Variants in CDKAL1 observed in about 807,000 individuals in gnomAD.
CDKAL1 encodes the protein threonylcarbamoyladenosine tRNA methylthiotransferase.
CDKAL1 carries 32 observed loss-of-function variants against 68.2 expected under a neutral mutation model. The observed-to-expected ratio is 0.47, with a 90% confidence interval of 0.35 to 0.63. The LOEUF is 0.63. Among genes scored for constraint, CDKAL1 ranks in the 30% least tolerant of loss-of-function variants. The probability of loss-of-function intolerance (pLI) is 0.00; values close to 1 mark genes in which losing one functional copy is unlikely to be tolerated. For missense variants in CDKAL1, 606 were observed against 696.7 expected, an observed-to-expected ratio of 0.87 and a Z score of 1.47; for synonymous variants, 234 against 244.3, an observed-to-expected ratio of 0.96 and a Z score of 0.39.
At chr6:20,746,427 A>G (rs990997137) in intron 6 of CDKAL1, among the ~76,000 whole-genome samples, 1 of 152,246 alleles carries the variant, frequency 6.6e-6, no homozygotes, top group African/African-American at 2.4e-5. Context: ...TGTGTTACAC[A>G]GCAAAGTTGC....
intron 9 of CDKAL1, among the ~76,000 whole-genome samples, chr6:20,873,760 T>A (rs1760344216): frequency 6.6e-6 from 1 of 152,230 alleles, no homozygotes; most frequent in Non-Finnish European, 1.5e-5. Context: ...TGTTTCATGT[T>A]ACAATTTTTG....
chr6:21,153,581 A>G (rs1776514781), intron 13 of CDKAL1, among the ~76,000 whole-genome samples: 2 of 152,328 alleles, frequency 1.3e-5, no homozygotes, highest in African/African-American at 4.8e-5. Context: ...TTAGGAAACT[A>G]TCTTGATAAA....
Position 21,230,862 on chromosome 6 carries a change from G to A in CDKAL1, c.1563G>A (p.Gly521=), listed in dbSNP as rs766545218. 2 of 1,604,096 alleles carry A rather than the reference G, an allele frequency of 1.2e-6. No homozygotes were observed. The highest frequency in any genetic ancestry group is 1.7e-6 in the Non-Finnish European group (2 of 1,173,184). Residue 521 remains glycine, a synonymous_variant, in exon 16 of 16, where the codon GGG becomes GGA. Coordinates refer to ENST00000274695, the MANE Select transcript of CDKAL1 (RefSeq NM_017774.3). Reference sequence around the variant, plus strand: ...TCTCTTTATAGGACTTCAGAAATGGGCTTGGGAACCAGCTGAGTTCAGGAT... The same window carrying A: ...TCTCTTTATAGGACTTCAGAAATGGACTTGGGAACCAGCTGAGTTCAGGAT... ...VSGLTKDFRN[G]LGNQLSSGSH...
intron 4 of CDKAL1, among the ~76,000 whole-genome samples, chr6:20,574,648 G>T (rs1764841441): frequency 6.6e-6 from 1 of 152,108 alleles, no homozygotes; most frequent in Non-Finnish European, 1.5e-5. Context: ...TTTGCTTGAT[G>T]TCTGGGTAGT....
At chr6:20,803,400 A>C (rs1776444171) in intron 8 of CDKAL1, among the ~76,000 whole-genome samples, 4 of 152,174 alleles carry the variant, frequency 2.6e-5, no homozygotes, top group Admixed American at 2.6e-4. Flanking sequence ...TCATCTTTCA[A>C]AACTTTGTCA....
At chr6:20,549,365 T>G (rs1303624159) in intron 4 of CDKAL1, among the ~76,000 whole-genome samples, 1 of 152,182 alleles carries the variant, frequency 6.6e-6, no homozygotes, top group Non-Finnish European at 1.5e-5. Flanking sequence ...GGGGTCATGA[T>G]GTCAGTGTGT....
intron 10 of CDKAL1, among the ~76,000 whole-genome samples, chr6:20,968,455 A>G (rs1765437367): frequency 6.6e-6 from 1 of 152,070 alleles, no homozygotes. Flanking sequence ...CACCGCACCC[A>G]GCCAATTAGT....
chr6:20,641,545 C>A (rs1253679930), intron 4 of CDKAL1, among the ~76,000 whole-genome samples: 3 of 152,268 alleles, frequency 2.0e-5, no homozygotes, highest in African/African-American at 7.2e-5. Context: ...ATTTTCTTTG[C>A]TTAGAACAGA....
intron 13 of CDKAL1, among the ~76,000 whole-genome samples, chr6:21,191,339 A>T (rs1040375682): frequency 5.3e-5 from 8 of 152,146 alleles, no homozygotes; most frequent in African/African-American, 1.9e-4. Flanking sequence ...GTTAGAACTG[A>T]TGTTTTTCAC....
chr6:20,716,709 A>C (rs551116229), intron 5 of CDKAL1, among the ~76,000 whole-genome samples: 5 of 151,808 alleles, frequency 3.3e-5, no homozygotes, highest in African/African-American at 1.2e-4. Context: ...TGAGAAGTCA[A>C]GAAGAATTTG....
chr6:21,028,111 A>G (rs767949180), intron 11 of CDKAL1, among the ~76,000 whole-genome samples: 1 of 152,174 alleles, frequency 6.6e-6, no homozygotes. Flanking sequence ...TCTGGGCTGA[A>G]TGGAGTCACA....
intron 11 of CDKAL1, among the ~76,000 whole-genome samples, chr6:21,059,210 T>C (rs1771004402): frequency 6.6e-6 from 1 of 152,240 alleles, no homozygotes; most frequent in East Asian, 1.9e-4. Context: ...ACAGCCACTG[T>C]GCTGCATTGT....
intron 10 of CDKAL1, among the ~76,000 whole-genome samples, chr6:20,989,588 G>A (rs1004225989): frequency 6.6e-5 from 10 of 152,140 alleles, no homozygotes; most frequent in Non-Finnish European, 1.2e-4. Context: ...TGAGCTGACG[G>A]TACAGCCTGA....
intron 8 of CDKAL1, among the ~76,000 whole-genome samples, chr6:20,844,843 T>A (rs7751431): frequency 0.27 from 41,367 of 151,996 alleles, 6,438 homozygotes; most frequent in African/African-American, 0.43. Context: ...AAGGGCAGAA[T>A]ATGTAAAGAG....
intron 11 of CDKAL1, among the ~76,000 whole-genome samples, chr6:21,027,094 C>T (rs527245794): frequency 6.6e-6 from 1 of 152,124 alleles, no homozygotes; most frequent in African/African-American, 2.4e-5. Context: ...CCAGCCATAA[C>T]CCTACCACCA....
chr6:21,116,811 T>G (rs959179808), intron 13 of CDKAL1, among the ~76,000 whole-genome samples: 1 of 152,222 alleles, frequency 6.6e-6, no homozygotes. Context: ...TGGCAGTTAC[T>G]GTATTTTCAA....
At chr6:20,980,394 T>C (rs953735331) in intron 10 of CDKAL1, among the ~76,000 whole-genome samples, 17 of 152,008 alleles carry the variant, frequency 1.1e-4, no homozygotes, top group African/African-American at 3.4e-4. Flanking sequence ...CCCGCCACCA[T>C]GCCTGGCAAA....
At chr6:21,001,550 T>G (rs1216596332) in intron 11 of CDKAL1, among the ~76,000 whole-genome samples, 1 of 152,064 alleles carries the variant, frequency 6.6e-6, no homozygotes, top group African/African-American at 2.4e-5. Flanking sequence ...TTCAAATCAG[T>G]GCATAGAAGC....
chr6:20,953,257 T>C (rs1764623099), intron 9 of CDKAL1, among the ~76,000 whole-genome samples: 1 of 152,208 alleles, frequency 6.6e-6, no homozygotes, highest in Non-Finnish European at 1.5e-5. Flanking sequence ...CTTGAAGAGC[T>C]GGCTGCTGTT....
Sources: allele counts gnomAD v4.1 joint callset (sites outside exome capture counted in the v4.1 genomes callset), GRCh38; gene constraint gnomAD v4.1.1; transcripts MANE v1.5; gene names NCBI Gene and HGNC (gene_info 2026-07-23, HGNC 2026-07-21).